The following DMD variants were observed in gnomAD, a reference collection of about 807,000 sequenced individuals.
The protein encoded by DMD is dystrophin.
A neutral mutation model predicts 330.1 loss-of-function variants in DMD; 63 were observed. That is an observed-to-expected ratio of 0.19 (90% confidence interval 0.16 to 0.24). DMD has a LOEUF of 0.24. DMD is among the 10% of genes least tolerant of loss of function. DMD has a pLI of 1.00. For synonymous variants in DMD, 1,223 were observed against 959.8 expected, an observed-to-expected ratio of 1.27 and a Z score of -5.07; for missense variants, 3,344 against 2,684.1, an observed-to-expected ratio of 1.25 and a Z score of -5.43.
At chrX:33,176,803 G>A (rs776642289) in intron 1 of DMD, among the ~76,000 whole-genome samples, 4 of 110,716 alleles carry the variant, frequency 3.6e-5, no homozygotes, top group East Asian at 2.9e-4. Context: ...GGTCATGGTG[G>A]CGCTCCACTT....
chrX:32,028,177 A>G (rs5927924), intron 44 of DMD, among the ~76,000 whole-genome samples: 50,754 of 110,570 alleles, frequency 0.46, 9,498 homozygotes, highest in Non-Finnish European at 0.58. Context: ...GACCTGATAA[A>G]TGAACGTGCC....
At chrX:32,596,460 A>T (rs1277207970) in intron 12 of DMD, among the ~76,000 whole-genome samples, 1 of 111,664 alleles carries the variant, frequency 9.0e-6, no homozygotes, top group Non-Finnish European at 1.9e-5. Context: ...CTTACTTGAC[A>T]TGTTGATTAC....
chrX:32,491,150 T>C, intron 20 of DMD, 127 bp downstream of exon 20: 2 of 880,850 alleles, frequency 2.3e-6, no homozygotes, highest in Non-Finnish European at 3.3e-6. Flanking sequence ...TTTTGAACTT[T>C]ATTGCGCTTA....
At chrX:32,001,378 C>T (rs755208601) in intron 44 of DMD, among the ~76,000 whole-genome samples, 4 of 110,407 alleles carry the variant, frequency 3.6e-5, no homozygotes, top group Non-Finnish European at 7.6e-5. Flanking sequence ...TGATTACTAC[C>T]GAGAAACAAC....
intron 67 of DMD, among the ~76,000 whole-genome samples, chrX:31,193,604 TTATAA>T (rs200409898): frequency 0.011 from 1,280 of 111,956 alleles, 21 homozygotes; most frequent in African/African-American, 0.04. Context: ...GGAATGGATA[TTATAA>T]TATGTCAAAA....
At chrX:33,094,141 C>T (rs2095123111) in intron 1 of DMD, among the ~76,000 whole-genome samples, 2 of 110,711 alleles carry the variant, frequency 1.8e-5, no homozygotes, top group South Asian at 7.5e-4. Context: ...AACTTTTGCT[C>T]ATAGAAGGAT....
At chrX:31,675,007 GTCTT>G (rs761197251) in intron 53 of DMD, among the ~76,000 whole-genome samples, 119 of 112,505 alleles carry the variant, frequency 1.1e-3, no homozygotes, top group Non-Finnish European at 1.5e-3. Context: ...CCTAACATCT[GTCTT>G]TCTATCTCAA....
chrX:33,051,719 A>G (rs1380401608), intron 1 of DMD, among the ~76,000 whole-genome samples: 5 of 96,050 alleles, frequency 5.2e-5, no homozygotes, highest in Non-Finnish European at 1.0e-4. Flanking sequence ...CACGATCTCA[A>G]CTCACTGCAA....
chrX:32,301,316 G>A (rs1276183859), intron 42 of DMD, among the ~76,000 whole-genome samples: 1 of 109,316 alleles, frequency 9.1e-6, no homozygotes, highest in Non-Finnish European at 1.9e-5. Context: ...CTTTTTGGAA[G>A]CTCCATAGAT....
At position 32,250,755 on chromosome X, in the gene DMD, T is replaced by C. The variant is rs188389162; in HGVS notation, c.6291-33692A>G. 2.1e-3 allele frequency among the ~76,000 whole-genome samples: 235 copies of C among 112,190 alleles called. No individual in the cohort carries two copies. In the East Asian group the frequency reaches 0.047, roughly 23 times the overall value. On this transcript the variant is annotated intron_variant, in intron 43 of 78. Coordinates refer to ENST00000357033, the MANE Select transcript of DMD (RefSeq NM_004006.3). The stretch of plus-strand genomic sequence containing the variant: ...CTGGTGTCCATTACTGTCCACTGGC[T>C]GCTTTGTGAAACTACATCTCCTGGC...
intron 1 of DMD, among the ~76,000 whole-genome samples, chrX:33,099,687 C>A (rs1399781907): frequency 8.9e-6 from 1 of 111,871 alleles, no homozygotes; most frequent in South Asian, 3.7e-4. Context: ...GAATAGTTCT[C>A]ATTTCATGTC....
In DMD at chrX:32,614,360, C is replaced by A. The variant is rs770047439; in HGVS notation, c.1425G>T (p.Glu475Asp). ...CAAGATCAGGTCCAAGAGGCTCTTC[C>A]TCCATTTTCCTTGTTCTTTCTTCTG... ...TKTEERTRKM[E>D]EEPLGPDLED... The change falls in exon 12 of 79, where the codon GAG becomes GAT. Residue 475 changes from glutamate (E) to aspartate (D), a missense_variant. Glu to Asp is a conservative substitution (Grantham distance 45). Coordinates refer to ENST00000357033, the MANE Select transcript of DMD (RefSeq NM_004006.3). 1 of 1,208,008 alleles carries A rather than the reference C, an allele frequency of 8.3e-7. No homozygotes were observed. Among genetic ancestry groups the A allele is most frequent in the South Asian group, 1.8e-5 (1 of 56,851 alleles).
At chrX:32,225,378 C>G (rs1325120113) in intron 43 of DMD, among the ~76,000 whole-genome samples, 2 of 111,800 alleles carry the variant, frequency 1.8e-5, no homozygotes, top group African/African-American at 6.5e-5. Context: ...GACTCTTAAT[C>G]TAGGCTGATT....
intron 37 of DMD, among the ~76,000 whole-genome samples, chrX:32,359,008 G>T (rs1194072461): frequency 8.9e-6 from 1 of 111,876 alleles, no homozygotes; most frequent in East Asian, 2.8e-4. Flanking sequence ...ATGAGGCTCT[G>T]AGAGGTAAAG....
At chrX:32,783,146 T>TAC (rs1557026086) in intron 7 of DMD, among the ~76,000 whole-genome samples, 11 of 99,733 alleles carry the variant, frequency 1.1e-4, no homozygotes, top group East Asian at 3.1e-4. Flanking sequence ...TATATATATA[T>TAC]ACCATATATA....
chrX:31,147,193 C>T lies in DMD; in HGVS notation c.10797+82G>A, dbSNP rs1484852. Reference sequence around the variant, plus strand: ...CACTTAAGAATTGATGCTTGTTGCACCTATAAAAAGTGCTCTCTGAGGTTT... The same window carrying T: ...CACTTAAGAATTGATGCTTGTTGCATCTATAAAAAGTGCTCTCTGAGGTTT... On this transcript the variant is annotated intron_variant, in intron 75 of 78. Coordinates refer to ENST00000357033, the MANE Select transcript of DMD (RefSeq NM_004006.3). 171,595 of 1,170,599 alleles carry T rather than the reference C, an allele frequency of 0.15. 10,010 individuals are homozygous for T. Among genetic ancestry groups the T allele is most frequent in the East Asian group, 0.43 (14,384 of 33,315 alleles).
chrX:32,289,254 T>C (rs2097456246), intron 42 of DMD, among the ~76,000 whole-genome samples: 2 of 110,917 alleles, frequency 1.8e-5, no homozygotes, highest in African/African-American at 3.3e-5. Flanking sequence ...AGCTCCTCTC[T>C]ACCCTGAATA....
At chrX:32,693,741 G>A (rs1157501304) in intron 9 of DMD, among the ~76,000 whole-genome samples, 1 of 111,837 alleles carries the variant, frequency 8.9e-6, no homozygotes, top group Non-Finnish European at 1.9e-5. Context: ...CACCCAGCTC[G>A]CGGTGTAGTT....
chrX:33,106,652 A>T lies in DMD; in HGVS notation c.32-86452T>A, dbSNP rs143448124. 1.7e-3 allele frequency among the ~76,000 whole-genome samples: 185 copies of T among 111,858 alleles called. 1 individual carries two copies. The highest frequency in any genetic ancestry group is 5.6e-3 in the African/African-American group (173 of 30,830). ...TTTTTTCCTCCTCATTATTTGCCTC[A>T]TAATGTTTTGAACACATCCACTGTC... On this transcript the variant is annotated intron_variant, in intron 1 of 78. Transcript: ENST00000357033.
Sources: gnomAD v4.1 joint callset for allele counts (sites outside exome capture counted in the v4.1 genomes callset) on GRCh38, gnomAD v4.1.1 for gene constraint, MANE v1.5 for transcripts, NCBI Gene and HGNC (gene_info 2026-07-23, HGNC 2026-07-21) for gene names.